The following ELP3 variants were observed in gnomAD, a reference collection of about 807,000 sequenced individuals.
ELP3 encodes elongator acetyltransferase complex subunit 3, also known as elongator complex protein 3.
Under a neutral mutation model 74.9 loss-of-function variants are expected in ELP3, and 56 were observed. The observed-to-expected ratio is 0.75, with a 90% CI of 0.60 to 0.93. ELP3 has a LOEUF of 0.93. Among genes scored for constraint, ELP3 ranks in the 40% least tolerant of loss-of-function variants. The pLI is 0.00. For synonymous variants in ELP3, 222 were observed against 239.8 expected, an observed-to-expected ratio of 0.93 and a Z score of 0.68; for missense variants, 573 against 686.5, an observed-to-expected ratio of 0.83 and a Z score of 1.85.
chr8:28,093,470 G>C (rs1036238403), intron 1 of ELP3: 38 of 590,180 alleles, frequency 6.4e-5, no homozygotes, highest in African/African-American at 6.0e-4. Context: ...TGTCTTGTTT[G>C]AATGGCAGGG....
intron 1 of ELP3, chr8:28,093,465 T>C (rs1466763738): frequency 3.4e-6 from 2 of 596,478 alleles, no homozygotes; most frequent in Non-Finnish European, 5.9e-6. Context: ...CGTGGTGTCT[T>C]GTTTGAATGG....
intron 3 of ELP3, among the ~76,000 whole-genome samples, chr8:28,100,709 T>G (rs1811444140): frequency 6.6e-6 from 1 of 152,196 alleles, no homozygotes; most frequent in South Asian, 2.1e-4. Context: ...TTCAGAAAAT[T>G]AATTTGGATA....
chr8:28,093,263 G>T, intron 1 of ELP3, 30 bp downstream of exon 1: 1 of 1,612,452 alleles, frequency 6.2e-7, no homozygotes, highest in Admixed American at 1.7e-5. Context: ...TGGGGGAAAG[G>T]GGTGGTCCGA....
chr8:28,121,554 A>G (rs1264879655), intron 7 of ELP3, among the ~76,000 whole-genome samples: 1 of 152,078 alleles, frequency 6.6e-6, no homozygotes, highest in Non-Finnish European at 1.5e-5. Flanking sequence ...TCCCGGCCTC[A>G]GGTGATCCGC....
intron 5 of ELP3, 81 bp from the exon 6 acceptor site, chr8:28,110,289 G>C (rs946915125): frequency 7.9e-7 from 1 of 1,258,902 alleles, no homozygotes; most frequent in African/African-American, 1.5e-5. Flanking sequence ...ACCATGGAGA[G>C]TTTTTTTTAA....
intron 14 of ELP3, among the ~76,000 whole-genome samples, chr8:28,178,483 A>T (rs1229668714): frequency 6.6e-6 from 1 of 152,218 alleles, no homozygotes; most frequent in Non-Finnish European, 1.5e-5. Flanking sequence ...ACATTGCTGT[A>T]AGATTGAGTC....
rs368931998 is a variant in ELP3 at position 28,106,789 on chromosome 8, T to G, written c.329+6T>G. On this transcript the variant is annotated splice_donor_region_variant and intron_variant, in intron 4 of 14. Coordinates refer to ENST00000256398, the MANE Select transcript of ELP3 (RefSeq NM_018091.6). ...TTTACAGGAAATATATGTGTGTAAG[T>G]ATGGTGATTTTATTAAATTGTATGT... The G allele has an allele frequency of 8.1e-6, 13 of 1,609,266 alleles. No individual in the cohort carries two copies. The highest frequency in any genetic ancestry group is 1.1e-5 in the Non-Finnish European group (13 of 1,177,294).
intron 3 of ELP3, among the ~76,000 whole-genome samples, chr8:28,100,204 G>A (rs965157228): frequency 6.6e-6 from 1 of 152,210 alleles, no homozygotes; most frequent in Non-Finnish European, 1.5e-5. Flanking sequence ...TAAAAATATA[G>A]ATTTAGGCTT....
rs200934201 is a variant in ELP3, at chr8:28,102,972, C to G, written c.258+3006C>G. ...ATCAGCTGAAGCCAGGAGTTTGAGA[C>G]CAGCCTGGCCAACATGGTGAAACCC... is the stretch of plus-strand genomic sequence containing the variant. On this transcript the variant is annotated intron_variant, in intron 3 of 14. Transcript: ENST00000256398. Among the ~76,000 whole-genome samples the G allele has an allele frequency of 1.1e-4, 17 of 152,148 alleles. No individual in the cohort carries two copies. In the East Asian group the frequency reaches 3.1e-3, roughly 28 times the overall value.
At chr8:28,129,206 GATA>G (rs979898620) in intron 7 of ELP3, 6 of 237,446 alleles carry the variant, frequency 2.5e-5, no homozygotes, top group Admixed American at 1.0e-4. Context: ...GAATAATAAT[GATA>G]ATGATGATAA....
intron 2 of ELP3, among the ~76,000 whole-genome samples, chr8:28,098,669 A>G (rs1301132994): frequency 6.6e-6 from 1 of 152,188 alleles, no homozygotes; most frequent in East Asian, 1.9e-4. Flanking sequence ...TCTGGCTTCA[A>G]CCTGCTTTTC....
intron 10 of ELP3, among the ~76,000 whole-genome samples, chr8:28,140,957 G>A (rs760866393): frequency 3.9e-5 from 6 of 152,128 alleles, no homozygotes; most frequent in Non-Finnish European, 7.3e-5. Flanking sequence ...TTAAACAGTC[G>A]ACAAAAATAT....
intron 14 of ELP3, 103 bp downstream of exon 14, chr8:28,162,181 G>A (rs1355471116): frequency 7.6e-6 from 9 of 1,184,092 alleles, no homozygotes; most frequent in Admixed American, 1.9e-5. Flanking sequence ...TGGTTATTAC[G>A]TTCAAAATTG....
chr8:28,099,471 G>T (rs547149582), intron 2 of ELP3, among the ~76,000 whole-genome samples: 2 of 152,298 alleles, frequency 1.3e-5, no homozygotes, highest in South Asian at 2.1e-4. Flanking sequence ...CCACAGCAAA[G>T]AACTGTGTGG....
intron 3 of ELP3, among the ~76,000 whole-genome samples, chr8:28,103,312 T>G (rs1354437468): frequency 6.6e-6 from 1 of 152,244 alleles, no homozygotes. Context: ...TCATGTACAG[T>G]AATTGGAATC....
At chr8:28,132,240 G>A in intron 8 of ELP3, 38 bp from the exon 9 acceptor site, 1 of 1,611,414 alleles carries the variant, frequency 6.2e-7, no homozygotes, top group Non-Finnish European at 8.5e-7. Context: ...TACACAAATA[G>A]GTAGTGATTT....
intron 3 of ELP3, among the ~76,000 whole-genome samples, chr8:28,104,635 T>C (rs1811615150): frequency 6.6e-6 from 1 of 152,254 alleles, no homozygotes; most frequent in African/African-American, 2.4e-5. Flanking sequence ...TGTGGGTTCA[T>C]CAGCTGTTTT....
At chr8:28,106,341 C>G (rs186095365) in intron 3 of ELP3, among the ~76,000 whole-genome samples, 3,181 of 151,790 alleles carry the variant, frequency 0.021, 65 homozygotes, top group Non-Finnish European at 0.031. Context: ...GAGATCGAGA[C>G]CATCCCGGCT....
At chr8:28,142,185 A>C (rs939818249) in intron 10 of ELP3, among the ~76,000 whole-genome samples, 1 of 152,230 alleles carries the variant, frequency 6.6e-6, no homozygotes, top group African/African-American at 2.4e-5. Flanking sequence ...GAGTGATGAC[A>C]GGAAGAGTGG....
Sources: gnomAD v4.1 joint callset for allele counts (sites outside exome capture counted in the v4.1 genomes callset) on GRCh38, gnomAD v4.1.1 for gene constraint, MANE v1.5 for transcripts, NCBI Gene and HGNC (gene_info 2026-07-23, HGNC 2026-07-21) for gene names.